The following KIAA1217 variants were observed in gnomAD, a reference collection of about 807,000 sequenced individuals.
The protein encoded by KIAA1217 is sickle tail protein homolog.
In KIAA1217, 88 loss-of-function variants were observed where a neutral mutation model predicts 163.9. The ratio of observed to expected loss-of-function variants is 0.54; its 90% CI spans 0.45 to 0.64. The LOEUF (loss-of-function observed/expected upper bound fraction) is 0.64. KIAA1217 is among the 30% of genes least tolerant of loss of function. The pLI is 0.00. For synonymous variants in KIAA1217, 903 were observed against 923.1 expected, an observed-to-expected ratio of 0.98 and a Z score of 0.39; for missense variants, 2,372 against 2,475.0, an observed-to-expected ratio of 0.96 and a Z score of 0.88.
At chr10:23,779,731 T>A (rs961392391) in intron 1 of KIAA1217, among the ~76,000 whole-genome samples, 3 of 152,234 alleles carry the variant, frequency 2.0e-5, no homozygotes, top group Admixed American at 2.0e-4. Context: ...TGTACATTGA[T>A]GTGAATAGTA....
chr10:24,064,243 G>C (rs1214869109), intron 2 of KIAA1217, among the ~76,000 whole-genome samples: 3 of 152,106 alleles, frequency 2.0e-5, no homozygotes, highest in African/African-American at 7.2e-5. Context: ...AGTGCTTCTA[G>C]TTTTTCTCCA....
chr10:23,965,412 G>A (rs1040962271), intron 1 of KIAA1217, among the ~76,000 whole-genome samples: 1 of 152,220 alleles, frequency 6.6e-6, no homozygotes, highest in Non-Finnish European at 1.5e-5. Flanking sequence ...CAGAATAGAA[G>A]GCAGTTTAGT....
chr10:24,368,453 T>C (rs73604470), intron 2 of KIAA1217, among the ~76,000 whole-genome samples: 1 of 152,238 alleles, frequency 6.6e-6, no homozygotes, highest in African/African-American at 2.4e-5. Flanking sequence ...GACTTTCCTT[T>C]TCTTTCTTTT....
chr10:24,118,872 C>CA (rs1438356404), intron 2 of KIAA1217, among the ~76,000 whole-genome samples: 2 of 151,882 alleles, frequency 1.3e-5, no homozygotes, highest in East Asian at 3.9e-4. Flanking sequence ...TCTTTTTGAG[C>CA]AAAAAAGCCT....
chr10:23,698,908 C>T (rs1836221090), intron 1 of KIAA1217, among the ~76,000 whole-genome samples: 1 of 152,160 alleles, frequency 6.6e-6, no homozygotes, highest in Admixed American at 6.5e-5. Context: ...TCTCAGCCTC[C>T]CAAGTAGCTA....
intron 1 of KIAA1217, among the ~76,000 whole-genome samples, chr10:23,794,240 T>C (rs1836091763): frequency 6.6e-6 from 1 of 152,246 alleles, no homozygotes; most frequent in African/African-American, 2.4e-5. Context: ...CTGATTTCAC[T>C]GATATCACTA....
At chr10:24,058,185 T>C (rs1032063452) in intron 2 of KIAA1217, among the ~76,000 whole-genome samples, 5 of 152,238 alleles carry the variant, frequency 3.3e-5, no homozygotes, top group Non-Finnish European at 7.3e-5. Context: ...AGTACCTTTG[T>C]TGAAGATCAG....
intron 1 of KIAA1217, among the ~76,000 whole-genome samples, chr10:23,861,475 A>G (rs1347828328): frequency 6.6e-6 from 1 of 152,144 alleles, no homozygotes; most frequent in Non-Finnish European, 1.5e-5. Context: ...GACTTTGCAG[A>G]TGTAATTAGG....
At chr10:24,394,341 A>G (rs562056257) in intron 3 of KIAA1217, among the ~76,000 whole-genome samples, 1 of 152,330 alleles carries the variant, frequency 6.6e-6, no homozygotes, top group African/African-American at 2.4e-5. Context: ...TGGCTTTCAG[A>G]CATCCCTGGC....
rs1308624651 is a variant in KIAA1217, at chr10:23,790,400, CAT to C, written c.-321+95172_-321+95173del. ...ATGTATATATACATATGTATATATACATATATACATATACATATATACATATA... is the reference window on the plus strand; with the variant it reads ...ATGTATATATACATATGTATATATACATATACATATACATATATACATATA... On this transcript the variant is annotated intron_variant, in intron 1 of 18. Transcript: ENST00000376462. Among the ~76,000 whole-genome samples the C allele has an allele frequency of 1.1e-4, 11 of 98,436 alleles. 1 individual carries two copies. Among genetic ancestry groups the C allele is most frequent in the African/African-American group, 2.5e-4 (6 of 24,398 alleles). 64.6% of individuals were successfully genotyped at this position (98,436 alleles called of 152,430 possible). A position where few individuals can be genotyped will look rare whatever the true frequency, so the allele number is the denominator to read the frequency against.
rs574995766 is a variant in KIAA1217, at chr10:24,381,850, A to G, written c.553+783A>G. ...GTCTGGTAGTCCAGTGGAGGAGATGACAAAAAGGGACAATGTGGCTAACAT... is the reference window on the plus strand; with the variant it reads ...GTCTGGTAGTCCAGTGGAGGAGATGGCAAAAAGGGACAATGTGGCTAACAT... On this transcript the variant is annotated intron_variant, in intron 3 of 20. Coordinates refer to ENST00000376454, the MANE Select transcript of KIAA1217 (RefSeq NM_019590.5). 2.0e-5 allele frequency among the ~76,000 whole-genome samples: 3 copies of G among 152,300 alleles called. No homozygotes were observed. The East Asian group carries it at 5.8e-4, about 29-fold the overall frequency.
At chr10:23,694,779 G>T (rs1835921776) in exon 1 of KIAA1217, 1 of 152,734 alleles carries the variant, frequency 6.5e-6, no homozygotes, top group Non-Finnish European at 1.5e-5. Flanking sequence ...CAAGCAAGCG[G>T]GAGGCGCACT....
At chr10:24,118,447 T>C (rs903537884) in intron 2 of KIAA1217, among the ~76,000 whole-genome samples, 1 of 152,146 alleles carries the variant, frequency 6.6e-6, no homozygotes, top group Non-Finnish European at 1.5e-5. Flanking sequence ...CCCCTCGAAT[T>C]TGTGCCTCGG....
intron 1 of KIAA1217, among the ~76,000 whole-genome samples, chr10:23,803,783 A>T (rs556333746): frequency 6.6e-6 from 1 of 152,204 alleles, no homozygotes; most frequent in Admixed American, 6.5e-5. Context: ...GTTGCATCTC[A>T]TTGCTGTGTG....
At chr10:24,513,015 C>T (rs573711862) in intron 9 of KIAA1217, among the ~76,000 whole-genome samples, 12 of 152,312 alleles carry the variant, frequency 7.9e-5, no homozygotes, top group African/African-American at 2.9e-4. Context: ...ATGCATTGAC[C>T]AGAGTAGAAA....
At chr10:24,316,723 A>G (rs764053683) in intron 2 of KIAA1217, among the ~76,000 whole-genome samples, 57 of 147,848 alleles carry the variant, frequency 3.9e-4, no homozygotes, top group Non-Finnish European at 6.8e-4. Context: ...CCTTCATCCA[A>G]GGTGTCACCA....
At chr10:24,461,976 AT>A (rs1340830785) in intron 5 of KIAA1217, among the ~76,000 whole-genome samples, 1 of 152,030 alleles carries the variant, frequency 6.6e-6, no homozygotes, top group Non-Finnish European at 1.5e-5. Flanking sequence ...AGGGATTTTA[AT>A]CAGCTAAGGC....
intron 1 of KIAA1217, among the ~76,000 whole-genome samples, chr10:23,960,723 A>G (rs1018026423): frequency 2.0e-5 from 3 of 152,250 alleles, no homozygotes; most frequent in Non-Finnish European, 4.4e-5. Flanking sequence ...AATAAATGGA[A>G]TCAATATTTT....
At chr10:24,350,829 G>GA (rs11438441) in intron 2 of KIAA1217, among the ~76,000 whole-genome samples, 74,375 of 144,324 alleles carry the variant, frequency 0.52, 19,099 homozygotes, top group East Asian at 0.69. Flanking sequence ...GTGAGTGAGA[G>GA]AAAAAAAAAA....
Sources: gnomAD v4.1 joint callset for allele counts (sites outside exome capture counted in the v4.1 genomes callset) on GRCh38, gnomAD v4.1.1 for gene constraint, MANE v1.5 for transcripts, NCBI Gene and HGNC (gene_info 2026-07-23, HGNC 2026-07-21) for gene names.